Variants in ZNF474 observed in about 807,000 individuals in gnomAD.
ZNF474 encodes 4933409D10Rik.
For missense variants in ZNF474, 511 were observed against 433.8 expected, an observed-to-expected ratio of 1.18 and a Z score of -1.58; for synonymous variants, 192 against 162.2, an observed-to-expected ratio of 1.18 and a Z score of -1.39.
At chr5:122,134,168 C>T (rs888122598) in intron 1 of ZNF474, among the ~76,000 whole-genome samples, 35 of 152,088 alleles carry the variant, frequency 2.3e-4, no homozygotes, top group African/African-American at 8.2e-4. Flanking sequence ...TATCATTGCA[C>T]ACAAATATGG....
intron 1 of ZNF474, among the ~76,000 whole-genome samples, chr5:122,135,189 G>A (rs560050684): frequency 2.0e-5 from 3 of 152,274 alleles, no homozygotes; most frequent in South Asian, 4.1e-4. Context: ...TGGGCAAAAA[G>A]CCAGGCTTGG....
rs756313737 is a variant in ZNF474, at chr5:122,152,816, C to A, written c.826C>A (p.Gln276Lys). The A allele has an allele frequency of 1.2e-6, 2 of 1,614,038 alleles. No individual in the cohort carries two copies. Among genetic ancestry groups the A allele is most frequent in the Admixed American group, 1.7e-5 (1 of 60,008 alleles). Residue 276 changes from glutamine to lysine, a missense_variant, in exon 2 of 2, where the codon CAA (glutamine) becomes AAA (lysine). Physicochemically the swap from Gln to Lys is moderately conservative, Grantham distance 53. Transcript: ENST00000296600. ...PQPLPNAQSS[Q>K]AGPNQAQLVF... is the part of the protein sequence containing the mutation. ...GCCCCTTCCGAATGCACAGTCCAGCCAAGCGGGACCAAATCAAGCTCAGCT... is the reference window on the plus strand; with the variant it reads ...GCCCCTTCCGAATGCACAGTCCAGCAAAGCGGGACCAAATCAAGCTCAGCT...
chr5:122,142,455 T>G (rs1404611745), intron 1 of ZNF474, among the ~76,000 whole-genome samples: 1 of 152,188 alleles, frequency 6.6e-6, no homozygotes, highest in Non-Finnish European at 1.5e-5. Context: ...TTTCTATAAA[T>G]GTTGAACCAC....
chr5:122,140,324 C>G (rs907338441), intron 1 of ZNF474, among the ~76,000 whole-genome samples: 2 of 152,158 alleles, frequency 1.3e-5, no homozygotes, highest in African/African-American at 2.4e-5. Context: ...TAGATTGTAT[C>G]AACATCAACA....
In ZNF474 at chr5:122,151,768, C is replaced by T. The variant is rs780196727; in HGVS notation, c.-212-11C>T. 1.3e-4 allele frequency: 64 copies of T among 500,854 alleles called. No individual in the cohort carries two copies. The highest frequency in any genetic ancestry group is 8.5e-4 in the Admixed American group (24 of 28,094). The allele number at this position is 500,854 out of a possible 1,614,324, so 31.0% of individuals were successfully genotyped here. A position where few individuals can be genotyped will look rare whatever the true frequency, so the allele number is the denominator to read the frequency against. ...ATAATAACTTCTTATGTCTCCCACC[C>T]GCCTCCACAGATCTTGGAGACATCT... On this transcript the variant is annotated splice_polypyrimidine_tract_variant and intron_variant, in intron 1 of 1. Coordinates refer to ENST00000296600, the MANE Select transcript of ZNF474 (RefSeq NM_207317.3).
intron 1 of ZNF474, among the ~76,000 whole-genome samples, chr5:122,147,351 A>G (rs1756018757): frequency 6.6e-6 from 1 of 152,180 alleles, no homozygotes; most frequent in South Asian, 2.1e-4. Context: ...ATCATGTATC[A>G]ACTATATTTC....
At chr5:122,134,399 T>C (rs1755649987) in intron 1 of ZNF474, among the ~76,000 whole-genome samples, 1 of 152,196 alleles carries the variant, frequency 6.6e-6, no homozygotes, top group Middle Eastern at 3.2e-3. Context: ...TAAGTTCACA[T>C]TGATTAATAA....
At chr5:122,146,948 T>C (rs1025376555) in intron 1 of ZNF474, among the ~76,000 whole-genome samples, 4 of 152,228 alleles carry the variant, frequency 2.6e-5, no homozygotes, top group African/African-American at 9.6e-5. Flanking sequence ...ATATTTTCAC[T>C]AACTACAAAG....
intron 1 of ZNF474, 127 bp from the exon 2 acceptor site, chr5:122,151,652 A>G (rs1275674857): frequency 5.7e-6 from 1 of 176,104 alleles, no homozygotes; most frequent in African/African-American, 2.4e-5. Flanking sequence ...ATACAAGGTC[A>G]ATATTTAAAA....
chr5:122,140,804 A>G (rs1238219519), intron 1 of ZNF474, among the ~76,000 whole-genome samples: 1 of 152,220 alleles, frequency 6.6e-6, no homozygotes, highest in African/African-American at 2.4e-5. Context: ...TATTAAAATG[A>G]AATCTACTTC....
At chr5:122,141,159 T>TTTGA (rs1755833564) in intron 1 of ZNF474, among the ~76,000 whole-genome samples, 1 of 39,546 alleles carries the variant, frequency 2.5e-5, no homozygotes, top group African/African-American at 4.4e-5. Context: ...TATTTTATTT[T>TTTGA]ATTTTATTTT....
At chr5:122,137,061 T>G (rs1280928497) in intron 1 of ZNF474, among the ~76,000 whole-genome samples, 1 of 152,164 alleles carries the variant, frequency 6.6e-6, no homozygotes, top group East Asian at 1.9e-4. Context: ...GCTGTAAAGA[T>G]GATAAACAGT....
intron 1 of ZNF474, among the ~76,000 whole-genome samples, chr5:122,138,208 TG>T (rs1192884809): frequency 2.0e-5 from 3 of 152,160 alleles, no homozygotes; most frequent in East Asian, 1.9e-4. Flanking sequence ...TAGGATAAGA[TG>T]TTTTTTTCAG....
Position 122,152,813 on chromosome 5 carries a change from A to C in ZNF474, c.823A>C (p.Ser275Arg). The C allele has an allele frequency of 6.2e-7, 1 of 1,614,188 alleles. No homozygotes were observed. Among genetic ancestry groups the C allele is most frequent in the African/African-American group, 1.3e-5 (1 of 75,050 alleles). ...KPQPLPNAQSSQAGPNQAQLV... is the reference protein window; with the variant it reads ...KPQPLPNAQSRQAGPNQAQLV... ...TCAGCCCCTTCCGAATGCACAGTCC[A>C]GCCAAGCGGGACCAAATCAAGCTCA... The change falls in exon 2 of 2, where the codon AGC becomes CGC. Residue 275 changes from serine to arginine, a missense_variant. Physicochemically the swap from Ser to Arg is moderately radical, Grantham distance 110. Coordinates refer to ENST00000296600, the MANE Select transcript of ZNF474 (RefSeq NM_207317.3).
chr5:122,142,007 T>A (rs1755859503), intron 1 of ZNF474, among the ~76,000 whole-genome samples: 1 of 152,206 alleles, frequency 6.6e-6, no homozygotes, highest in African/African-American at 2.4e-5. Flanking sequence ...AGTTAAGATA[T>A]AAGCCACATT....
chr5:122,132,580 TA>T (rs1328264820), intron 1 of ZNF474, among the ~76,000 whole-genome samples: 1 of 152,154 alleles, frequency 6.6e-6, no homozygotes, highest in Non-Finnish European at 1.5e-5. Flanking sequence ...TTGCAAATAT[TA>T]GGATCATAGA....
At chr5:122,141,551 T>G (rs927099885) in intron 1 of ZNF474, among the ~76,000 whole-genome samples, 20 of 152,004 alleles carry the variant, frequency 1.3e-4, no homozygotes, top group Non-Finnish European at 2.6e-4. Flanking sequence ...TCATGATCCA[T>G]CCACCTCAGC....
chr5:122,148,220 A>T (rs1756041151), intron 1 of ZNF474, among the ~76,000 whole-genome samples: 1 of 152,240 alleles, frequency 6.6e-6, no homozygotes. Context: ...TGGCAGAAAC[A>T]TTACGCATTT....
chr5:122,148,923 A>G (rs1379009940), intron 1 of ZNF474, among the ~76,000 whole-genome samples: 1 of 151,766 alleles, frequency 6.6e-6, no homozygotes, highest in Non-Finnish European at 1.5e-5. Context: ...AGAGACGGGG[A>G]TTCACCATGC....
Sources: allele counts gnomAD v4.1 joint callset (sites outside exome capture counted in the v4.1 genomes callset), GRCh38; gene constraint gnomAD v4.1.1; transcripts MANE v1.5; gene names NCBI Gene and HGNC (gene_info 2026-07-23, HGNC 2026-07-21).